Variants in STARD13 observed in about 807,000 individuals in gnomAD.
STARD13 encodes the protein stAR-related lipid transfer protein 13.
In STARD13, 62 loss-of-function variants were observed where a neutral mutation model predicts 106.4. The ratio of observed to expected loss-of-function variants is 0.58; its 90% confidence interval spans 0.48 to 0.72. STARD13 has a LOEUF of 0.72. STARD13 is among the 30% of genes least tolerant of loss of function. STARD13 has a pLI of 0.00. For synonymous variants in STARD13, 565 were observed against 553.0 expected (o/e 1.02, Z -0.31); for missense variants, 1,387 against 1,424.0 (o/e 0.97, Z 0.42).
chr13:33,228,843 T>A (rs992376812), intron 1 of STARD13, among the ~76,000 whole-genome samples: 2 of 151,994 alleles, frequency 1.3e-5, no homozygotes, highest in African/African-American at 4.8e-5. Flanking sequence ...TAGACACGAG[T>A]AAGACAAGGA....
At chr13:33,631,801 T>A in the STARD13 span, among the ~76,000 whole-genome samples, 1 of 152,232 alleles carries the variant, frequency 6.6e-6, no homozygotes, top group African/African-American at 2.4e-5. Context: ...AAATACCATA[T>A]TCAGAGATCA....
chr13:33,405,377 T>C, the STARD13 span, among the ~76,000 whole-genome samples: 1 of 152,342 alleles, frequency 6.6e-6, no homozygotes, highest in East Asian at 1.9e-4. Context: ...GCCCCTCACT[T>C]GTGGGTGCTC....
the STARD13 span, among the ~76,000 whole-genome samples, chr13:33,519,208 T>C: frequency 3.4e-3 from 346 of 101,590 alleles, 4 homozygotes; most frequent in African/African-American, 0.015. Context: ...CTTGGTAATT[T>C]TTTCTTTCTT....
the STARD13 span, among the ~76,000 whole-genome samples, chr13:33,360,683 CCTT>C: frequency 7.5e-6 from 1 of 133,178 alleles, no homozygotes; most frequent in Admixed American, 7.3e-5. Context: ...CAGAAGGAAT[CCTT>C]CTGTGTAGAC....
At chr13:33,665,500 T>C in the STARD13 span, among the ~76,000 whole-genome samples, 2 of 152,214 alleles carry the variant, frequency 1.3e-5, no homozygotes, top group African/African-American at 2.4e-5. Context: ...TATCTCTCGA[T>C]GAGCAGTTAA....
At chr13:33,210,827 GT>G (rs1340817466) in intron 1 of STARD13, among the ~76,000 whole-genome samples, 2 of 152,270 alleles carry the variant, frequency 1.3e-5, no homozygotes, top group African/African-American at 4.8e-5. Flanking sequence ...TCAAAATCTG[GT>G]AGACCAACAG....
At chr13:33,117,849 A>G in intron 8 of STARD13, 7 of 985,262 alleles carry the variant, frequency 7.1e-6, no homozygotes, top group Non-Finnish European at 7.2e-6. Context: ...GAATATTTTG[A>G]TGTCAAAAAG....
the STARD13 span, among the ~76,000 whole-genome samples, chr13:33,384,431 T>C: frequency 2.0e-5 from 3 of 152,230 alleles, no homozygotes; most frequent in Non-Finnish European, 4.4e-5. Flanking sequence ...CATATTTTAA[T>C]GCATCTTAAG....
At chr13:33,402,079 A>G in the STARD13 span, among the ~76,000 whole-genome samples, 1 of 152,252 alleles carries the variant, frequency 6.6e-6, no homozygotes, top group African/African-American at 2.4e-5. Context: ...TAAGCCTGAC[A>G]GTACAAATAA....
chr13:33,655,866 G>A, the STARD13 span, among the ~76,000 whole-genome samples: 1 of 152,290 alleles, frequency 6.6e-6, no homozygotes, highest in East Asian at 1.9e-4. Context: ...GAAATCCTCA[G>A]GGAAATACTG....
At chr13:33,424,730 G>A in the STARD13 span, among the ~76,000 whole-genome samples, 1 of 152,144 alleles carries the variant, frequency 6.6e-6, no homozygotes, top group African/African-American at 2.4e-5. Context: ...GTAATGAGGA[G>A]CCATGGAAGT....
chr13:33,356,485 A>G, the STARD13 span, among the ~76,000 whole-genome samples: 1 of 152,152 alleles, frequency 6.6e-6, no homozygotes, highest in African/African-American at 2.4e-5. Flanking sequence ...GATGGCATAG[A>G]CAGAGGAGGT....
At chr13:33,586,598 C>T in the STARD13 span, among the ~76,000 whole-genome samples, 1 of 152,162 alleles carries the variant, frequency 6.6e-6, no homozygotes, top group African/African-American at 2.4e-5. Context: ...GGTAAGGTGT[C>T]TTAACCAGCA....
intron 3 of STARD13, among the ~76,000 whole-genome samples, chr13:33,151,438 T>C (rs1157651643): frequency 2.0e-5 from 3 of 152,098 alleles, no homozygotes; most frequent in African/African-American, 7.2e-5. Flanking sequence ...CTCTTTTAAA[T>C]AACTAGATCT....
chr13:33,185,713 C>T (rs1885693564), intron 1 of STARD13, among the ~76,000 whole-genome samples: 1 of 152,202 alleles, frequency 6.6e-6, no homozygotes, highest in Non-Finnish European at 1.5e-5. Flanking sequence ...TGTGACTAGT[C>T]AATTCTTTTC....
At chr13:33,207,124 T>C (rs1041269933) in intron 1 of STARD13, among the ~76,000 whole-genome samples, 2 of 152,208 alleles carry the variant, frequency 1.3e-5, no homozygotes, top group Admixed American at 6.5e-5. Context: ...CTGCCTGTGA[T>C]AAGGAGAGCT....
chr13:33,466,527 A>G, the STARD13 span, among the ~76,000 whole-genome samples: 5 of 152,192 alleles, frequency 3.3e-5, no homozygotes, highest in African/African-American at 1.2e-4. Context: ...TGACCTTCCA[A>G]TATTTTAATG....
At chr13:33,676,700 G>C in the STARD13 span, 1 of 152,116 alleles carries the variant, frequency 6.6e-6, no homozygotes, top group Non-Finnish European at 1.5e-5. Context: ...GGTCCAAAGA[G>C]GTCTTTAAGT....
chr13:33,158,537 A>AT (rs1882246392), intron 3 of STARD13: 1 of 152,246 alleles, frequency 6.6e-6, no homozygotes, highest in Non-Finnish European at 1.5e-5. Context: ...CTAGCTCAGC[A>AT]TTTCAAATAC....
Sources: gnomAD v4.1 joint callset for allele counts (sites outside exome capture counted in the v4.1 genomes callset) on GRCh38, gnomAD v4.1.1 for gene constraint, MANE v1.5 for transcripts, NCBI Gene and HGNC (gene_info 2026-07-23, HGNC 2026-07-21) for gene names.